SOHLH2: variants seen among roughly 807,000 people sequenced by gnomAD.
SOHLH2 encodes spermatogenesis- and oogenesis-specific basic helix-loop-helix-containing protein 2.
In SOHLH2, 22 loss-of-function variants were observed where a neutral mutation model predicts 50.4. That is an observed-to-expected ratio of 0.44 (90% CI 0.31 to 0.62). The LOEUF (loss-of-function observed/expected upper bound fraction) is 0.62. Ranked by LOEUF, SOHLH2 falls within the 20% of genes least tolerant of loss-of-function variation. The pLI is 0.08. For missense variants in SOHLH2, 412 were observed against 504.4 expected, an observed-to-expected ratio of 0.82 and a Z score of 1.76; for synonymous variants, 185 against 187.3, an observed-to-expected ratio of 0.99 and a Z score of 0.10.
intron 6 of SOHLH2, among the ~76,000 whole-genome samples, chr13:36,185,234 C>T (rs1025476378): frequency 2.0e-5 from 3 of 151,982 alleles, no homozygotes; most frequent in East Asian, 1.9e-4. Flanking sequence ...TTTGGGAGGC[C>T]GAGGTGGGCG....
In SOHLH2 at chr13:36,198,105, G is replaced by A. The variant is rs193246487; in HGVS notation, c.263+3774C>T. On this transcript the variant is annotated intron_variant, in intron 2 of 10. Coordinates refer to ENST00000379881, the MANE Select transcript of SOHLH2 (RefSeq NM_017826.3). ...TTCTTAGTGATCAGTTAGCTGGTCA[G>A]ACAATTAAAGCTACATGGGGAAGAA... Among the ~76,000 whole-genome samples the A allele has an allele frequency of 6.6e-4, 101 of 152,284 alleles. 1 individual carries two copies. Among genetic ancestry groups the A allele is most frequent in the African/African-American group, 2.3e-3 (97 of 41,564 alleles).
At chr13:36,193,200 C>A (rs1238048822) in intron 4 of SOHLH2, among the ~76,000 whole-genome samples, 1 of 152,152 alleles carries the variant, frequency 6.6e-6, no homozygotes, top group Non-Finnish European at 1.5e-5. Flanking sequence ...ACAGAAAGGG[C>A]AACCACCCTA....
chr13:36,194,909 C>G (rs1887677704), intron 2 of SOHLH2, among the ~76,000 whole-genome samples: 1 of 152,084 alleles, frequency 6.6e-6, no homozygotes, highest in Non-Finnish European at 1.5e-5. Flanking sequence ...GTTTATCTTA[C>G]ATATGCATTT....
rs771905794 is a variant in SOHLH2, at chr13:36,193,629, G to A, written c.422C>T (p.Ser141Leu). The A allele has an allele frequency of 1.2e-6, 2 of 1,601,230 alleles. No homozygotes were observed. The highest frequency in any genetic ancestry group is 2.7e-5 in the African/African-American group (2 of 74,106). ...NVVKYWTTCP[S>L]NTVKTENATG... ...GGAAATTTTTTACTCACCAGTGTTT[G>A]AGGGACATGTTGTCCAGTATTTTAC... The change falls in exon 4 of 11, where the codon TCA becomes TTA. Residue 141 changes from serine to leucine, a missense_variant. Transcript: ENST00000379881.
intron 2 of SOHLH2, among the ~76,000 whole-genome samples, 183 bp downstream of exon 2, chr13:36,201,696 C>G (rs1004074169): frequency 6.6e-6 from 1 of 152,074 alleles, no homozygotes; most frequent in Non-Finnish European, 1.5e-5. Flanking sequence ...TCTGGAACTC[C>G]CGGGTTAAAG....
intron 1 of SOHLH2, among the ~76,000 whole-genome samples, chr13:36,209,187 T>A (rs1277124260): frequency 6.6e-6 from 1 of 152,176 alleles, no homozygotes; most frequent in Non-Finnish European, 1.5e-5. Flanking sequence ...TAGTCTTCAC[T>A]CCTTCTAAGT....
rs888310043 is a variant in SOHLH2, at chr13:36,170,637, T to C, written c.1151A>G (p.Asn384Ser). The part of the protein sequence containing the change: ...SYDATAVTNQ[N>S]ISIHLPSAMP... ...GGCTGAAGGTAAATGAATTGAAATG[T>C]TCTGATTTGTTACAGCAGTTGCATC... The change falls in exon 10 of 11, where the codon AAC (asparagine) becomes AGC (serine). Residue 384 changes from asparagine to serine, a missense_variant. By Grantham distance (46) the Asn-to-Ser change is conservative. Transcript: ENST00000379881. The C allele has an allele frequency of 1.9e-6, 3 of 1,614,172 alleles. No homozygotes were observed. The highest frequency in any genetic ancestry group is 2.5e-6 in the Non-Finnish European group (3 of 1,180,024).
intron 2 of SOHLH2, among the ~76,000 whole-genome samples, chr13:36,196,959 T>C (rs1887748617): frequency 6.6e-6 from 1 of 152,176 alleles, no homozygotes; most frequent in East Asian, 1.9e-4. Flanking sequence ...TACAAATCAA[T>C]AAGCTAAAAG....
At chr13:36,206,332 T>C (rs957815925) in intron 1 of SOHLH2, among the ~76,000 whole-genome samples, 4 of 152,060 alleles carry the variant, frequency 2.6e-5, no homozygotes, top group Non-Finnish European at 5.9e-5. Flanking sequence ...CATTTTGTTG[T>C]ACCCCACACA....
At chr13:36,182,485 A>T (rs1444585538) in intron 6 of SOHLH2, 1 of 165,296 alleles carries the variant, frequency 6.0e-6, no homozygotes, top group Admixed American at 6.5e-5. Context: ...CACTGGTCTC[A>T]TGGAATCCTA....
chr13:36,171,183 T>A (rs576754937), intron 9 of SOHLH2, among the ~76,000 whole-genome samples: 82 of 152,204 alleles, frequency 5.4e-4, no homozygotes, highest in Middle Eastern at 3.4e-3. Context: ...AGAAAAAAAA[T>A]TGAATATATA....
chr13:36,186,727 G>A (rs1887430124), intron 6 of SOHLH2, among the ~76,000 whole-genome samples: 1 of 151,888 alleles, frequency 6.6e-6, no homozygotes, highest in African/African-American at 2.4e-5. Context: ...ATAATGAATG[G>A]GATTTCACCA....
At chr13:36,184,617 A>G (rs556519623) in intron 6 of SOHLH2, among the ~76,000 whole-genome samples, 116 of 151,518 alleles carry the variant, frequency 7.7e-4, no homozygotes, top group East Asian at 6.8e-3. Flanking sequence ...CTGCCACCAC[A>G]CCCAGCTAAC....
rs375372912 is a variant in SOHLH2, at chr13:36,191,773, T to C, written c.530+22A>G. 9 of 1,612,306 alleles carry C rather than the reference T, an allele frequency of 5.6e-6. No individual in the cohort carries two copies. The Admixed American group carries it at 6.7e-5, about 12-fold the overall frequency. Reference sequence around the variant, plus strand: ...AAGTTCTCTAAAAATATTGCTATTATGAAAAAGAACAAAAAACTAACCAGG... The same window carrying C: ...AAGTTCTCTAAAAATATTGCTATTACGAAAAAGAACAAAAAACTAACCAGG... On this transcript the variant is annotated intron_variant, in intron 5 of 10. Transcript: ENST00000379881.
At chr13:36,195,274 G>A (rs906853702) in intron 2 of SOHLH2, among the ~76,000 whole-genome samples, 1 of 152,160 alleles carries the variant, frequency 6.6e-6, no homozygotes, top group African/African-American at 2.4e-5. Flanking sequence ...AGAAAAGGCT[G>A]GGGAGAGGGG....
chr13:36,201,698 G>A (rs962548125), intron 2 of SOHLH2, among the ~76,000 whole-genome samples, 181 bp downstream of exon 2: 5 of 152,110 alleles, frequency 3.3e-5, no homozygotes, highest in East Asian at 1.9e-4. Context: ...TGGAACTCCC[G>A]GGTTAAAGCA....
intron 6 of SOHLH2, among the ~76,000 whole-genome samples, chr13:36,181,693 T>C (rs571151369): frequency 1.3e-4 from 20 of 152,332 alleles, no homozygotes; most frequent in Non-Finnish European, 1.0e-4. Flanking sequence ...AATTCTTGCT[T>C]ATAACAGTTT....
chr13:36,203,881 GT>G (rs76295829), intron 1 of SOHLH2, among the ~76,000 whole-genome samples: 6,970 of 150,590 alleles, frequency 0.046, 261 homozygotes, highest in African/African-American at 0.099. Context: ...CTTTGTGGGA[GT>G]TTATACAGTC....
At chr13:36,172,141 G>A (rs1409588653) in intron 9 of SOHLH2, among the ~76,000 whole-genome samples, 2 of 152,144 alleles carry the variant, frequency 1.3e-5, no homozygotes, top group East Asian at 3.9e-4. Context: ...TCCCAAGATT[G>A]GTCTCCTTAG....
Sources: allele counts gnomAD v4.1 joint callset (sites outside exome capture counted in the v4.1 genomes callset), GRCh38; gene constraint gnomAD v4.1.1; transcripts MANE v1.5; gene names NCBI Gene and HGNC (gene_info 2026-07-23, HGNC 2026-07-21).